The following ZNF595 variants were observed in gnomAD, a reference collection of about 807,000 sequenced individuals.
The protein encoded by ZNF595 is zinc finger protein 595.
Under a neutral mutation model 19.4 loss-of-function variants are expected in ZNF595, and 9 were observed. The ratio of observed to expected loss-of-function variants is 0.46; its 90% CI spans 0.28 to 0.81. The LOEUF (loss-of-function observed/expected upper bound fraction) is 0.81, where lower values mean the gene tolerates loss of function less well. Ranked by LOEUF, ZNF595 falls within the 30% of genes least tolerant of loss-of-function variation. The pLI is 0.11. For missense variants in ZNF595, 729 were observed against 736.0 expected, an observed-to-expected ratio of 0.99 and a Z score of 0.11; for synonymous variants, 255 against 255.9, an observed-to-expected ratio of 1.00 and a Z score of 0.03.
chr4:86,317 G>A lies in ZNF595; in HGVS notation c.813G>A (p.Leu271=). 1 of 1,611,504 alleles carries A rather than the reference G, an allele frequency of 6.2e-7. No homozygotes were observed. The highest frequency in any genetic ancestry group is 1.1e-5 in the South Asian group (1 of 90,880). The part of the protein sequence containing the change: ...CGKAFTRSTT[L]NEHKKIHTGE... ...AAGCCTTTACAAGGTCCACAACACTGAATGAACACAAGAAAATTCATACTG... is the reference window on the plus strand; with the variant it reads ...AAGCCTTTACAAGGTCCACAACACTAAATGAACACAAGAAAATTCATACTG... Residue 271 remains leucine (L), a synonymous_variant, in exon 4 of 4, where the codon CTG becomes CTA. Coordinates refer to ENST00000610261, the MANE Select transcript of ZNF595 (RefSeq NM_182524.4).
At chr4:70,138 T>C (rs1419312238) in intron 3 of ZNF595, among the ~76,000 whole-genome samples, 7 of 152,130 alleles carry the variant, frequency 4.6e-5, no homozygotes, top group African/African-American at 9.7e-5. Flanking sequence ...TTGTGGACTT[T>C]CCAAGTAGAA....
At chr4:79,908 A>C in intron 3 of ZNF595, among the ~76,000 whole-genome samples, 1 of 151,954 alleles carries the variant, frequency 6.6e-6, no homozygotes, top group East Asian at 1.9e-4. Flanking sequence ...TTTCTTGCCA[A>C]TGTTTTATAA....
intron 3 of ZNF595, among the ~76,000 whole-genome samples, chr4:77,235 T>G (rs185400514): frequency 1.3e-4 from 20 of 152,264 alleles, no homozygotes; most frequent in Admixed American, 3.9e-4. Context: ...TCTAAAATTT[T>G]TTATTATATA....
chr4:62,201 G>A (rs1324904531), intron 3 of ZNF595, among the ~76,000 whole-genome samples: 1 of 63,434 alleles, frequency 1.6e-5, no homozygotes, highest in South Asian at 1.0e-3. Flanking sequence ...CCACCCTCAG[G>A]CACTAACAAC....
Position 85,805 on chromosome 4 carries a change from A to T in ZNF595, c.301A>T (p.Lys101Ter), listed in dbSNP as rs782331644. Residue 101 changes from lysine (K) to a stop codon, truncating the protein, a stop_gained, in exon 4 of 4, where the codon AAA becomes TAA. Transcript: ENST00000610261. LOFTEE classifies it low-confidence loss of function (END_TRUNC). ...IEDSFHKLIL[K>*]RYEKCGHENL... is the part of the protein sequence containing the mutation. ...AGATTCATTCCACAAACTTATACTG[A>T]AAAGATACGAGAAATGTGGACATGA... 1 of 1,613,908 alleles carries T rather than the reference A, an allele frequency of 6.2e-7. No homozygotes were observed. Among genetic ancestry groups the T allele is most frequent in the East Asian group, 2.2e-5 (1 of 44,856 alleles).
At chr4:85,284 C>G (rs570277290) in intron 3 of ZNF595, among the ~76,000 whole-genome samples, 6 of 152,270 alleles carry the variant, frequency 3.9e-5, no homozygotes, top group African/African-American at 1.4e-4. Flanking sequence ...AGTATAGCAC[C>G]GTTTCTCTCA....
chr4:54,833 G>A (rs10434479), intron 1 of ZNF595, among the ~76,000 whole-genome samples: 1 of 152,210 alleles, frequency 6.6e-6, no homozygotes, highest in East Asian at 1.9e-4. Flanking sequence ...GCCTCGGCCT[G>A]TACCTGTGGC....
rs1581326293 is a variant in ZNF595 at position 63,187 on chromosome 4, A to T, written c.226+3034A>T. 7.6e-5 allele frequency among the ~76,000 whole-genome samples: 11 copies of T among 144,158 alleles called. 1 individual carries two copies. Among genetic ancestry groups the T allele is most frequent in the Admixed American group, 1.4e-4 (2 of 14,560 alleles). 94.6% of individuals were successfully genotyped at this position (144,158 alleles called of 152,430 possible). A position where few individuals can be genotyped will look rare whatever the true frequency, so the allele number is the denominator to read the frequency against. Reference sequence around the variant, plus strand: ...ATTGGTTTTTGTATCTGTTTTTATGAATATACTATACTCTTTTGATTACCA... The same window carrying T: ...ATTGGTTTTTGTATCTGTTTTTATGTATATACTATACTCTTTTGATTACCA... On this transcript the variant is annotated intron_variant, in intron 3 of 3. Coordinates refer to ENST00000610261, the MANE Select transcript of ZNF595 (RefSeq NM_182524.4).
chr4:86,733 A>G lies in ZNF595; in HGVS notation c.1229A>G (p.His410Arg), dbSNP rs1387099454. The G allele has an allele frequency of 3.1e-6, 5 of 1,610,872 alleles. No homozygotes were observed. In the African/African-American group the frequency reaches 6.8e-5, roughly 22 times the overall value. Reference protein sequence around the residue: ...ECGKAFYRSSHLAKHKRIHTG... With the variant: ...ECGKAFYRSSRLAKHKRIHTG... ...GGCAAAGCTTTTTATAGGTCCTCACACCTTGCTAAACATAAGAGAATTCAT... is the reference window on the plus strand; with the variant it reads ...GGCAAAGCTTTTTATAGGTCCTCACGCCTTGCTAAACATAAGAGAATTCAT... The change falls in exon 4 of 4, where the codon CAC (histidine) becomes CGC (arginine). Residue 410 changes from histidine (H) to arginine (R), a missense_variant. By Grantham distance (29) the His-to-Arg change is conservative (BLOSUM62 0). Coordinates refer to ENST00000610261, the MANE Select transcript of ZNF595 (RefSeq NM_182524.4).
Position 85,846 on chromosome 4 carries a change from A to T in ZNF595, c.342A>T (p.Arg114Ser), listed in dbSNP as rs782044656. The T allele has an allele frequency of 2.5e-6, 4 of 1,614,072 alleles. No homozygotes were observed. Among genetic ancestry groups the T allele is most frequent in the Non-Finnish European group, 3.4e-6 (4 of 1,179,956 alleles). The stretch of plus-strand genomic sequence containing the variant: ...GTGGACATGAGAATTTACAATTAAG[A>T]AAAGGCTGTAAACGTGTGAATGAGT... ...EKCGHENLQLRKGCKRVNECK... is the reference protein window; with the variant it reads ...EKCGHENLQLSKGCKRVNECK... The change falls in exon 4 of 4, where the codon AGA becomes AGT. Residue 114 changes from arginine (R) to serine (S), a missense_variant. By Grantham distance (110) the Arg-to-Ser change is moderately radical. Coordinates refer to ENST00000610261, the MANE Select transcript of ZNF595 (RefSeq NM_182524.4).
Position 87,273 on chromosome 4 carries a change from A to T in ZNF595, c.1769A>T (p.Lys590Ile). ...CATAAGAGAATTCATACTGGAGAGA[A>T]ACCCTTCACATGTGAAGAATGTGGC... ...TKHKRIHTGEKPFTCEECGKA... is the reference protein window; with the variant it reads ...TKHKRIHTGEIPFTCEECGKA... Residue 590 changes from lysine (K) to isoleucine (I), a missense_variant, in exon 4 of 4, where the codon AAA becomes ATA. This residue lies in a region of ZNF595 where 729 missense variants were observed against 675.3 expected (regional missense o/e 1.08). Coordinates refer to ENST00000610261, the MANE Select transcript of ZNF595 (RefSeq NM_182524.4). 3.1e-6 allele frequency: 5 copies of T among 1,612,208 alleles called. No homozygotes were observed.
At chr4:80,698 G>T (rs1713869671) in intron 3 of ZNF595, among the ~76,000 whole-genome samples, 1 of 152,252 alleles carries the variant, frequency 6.6e-6, no homozygotes, top group South Asian at 2.1e-4. Flanking sequence ...GAGCTTCTGA[G>T]CCAGGAGAAG....
At position 72,553 on chromosome 4, in the gene ZNF595, T is replaced by G. The variant is rs188569318; in HGVS notation, c.226+12400T>G. On this transcript the variant is annotated intron_variant, in intron 3 of 3. Transcript: ENST00000610261. ...TTATCCTGTTATCTGCATATTTGAG[T>G]TTAATGTTAAATTCTATGGACTAGG... 3.6e-3 allele frequency among the ~76,000 whole-genome samples: 554 copies of G among 152,312 alleles called. 6 individuals carry two copies. The Middle Eastern group carries it at 0.048, about 13-fold the overall frequency.
chr4:75,196 TCAAA>T (rs1713598264), intron 3 of ZNF595, among the ~76,000 whole-genome samples: 1 of 152,256 alleles, frequency 6.6e-6, no homozygotes, highest in Non-Finnish European at 1.5e-5. Flanking sequence ...ATAAATCTAT[TCAAA>T]CATTTTGTAA....
chr4:81,207 C>T (rs1369330285), intron 3 of ZNF595, among the ~76,000 whole-genome samples: 8 of 152,156 alleles, frequency 5.3e-5, no homozygotes, highest in Admixed American at 4.6e-4. Flanking sequence ...AGGATGTTTT[C>T]ATTTTACATT....
In ZNF595 at chr4:87,928, G is replaced by C. The variant is rs1398678000; in HGVS notation, c.*477G>C. 2.0e-5 allele frequency: 3 copies of C among 152,200 alleles called. No individual in the cohort carries two copies. The highest frequency in any genetic ancestry group is 4.4e-5 in the Non-Finnish European group (3 of 68,282). 9.4% of individuals were successfully genotyped at this position (152,200 alleles called of 1,614,324 possible). On this transcript the variant is annotated 3_prime_UTR_variant, in exon 4 of 4. Transcript: ENST00000610261. ...GTAGAGACAGGGTTTCACAATGCTG[G>C]CCAGGCTGTTCTCGAACTCCTGAGC...
intron 3 of ZNF595, among the ~76,000 whole-genome samples, chr4:81,759 A>G (rs1713918435): frequency 6.6e-6 from 1 of 152,204 alleles, no homozygotes; most frequent in Admixed American, 6.5e-5. Flanking sequence ...ACTGCTTTAG[A>G]TATCTCATGT....
intron 3 of ZNF595, among the ~76,000 whole-genome samples, chr4:81,574 A>T (rs1347949688): frequency 3.9e-5 from 6 of 152,184 alleles, no homozygotes; most frequent in African/African-American, 1.4e-4. Flanking sequence ...TACAATCTTA[A>T]ATATTTTTAA....
At chr4:83,619 CAAAAAAAAAA>C (rs71164492) in intron 3 of ZNF595, among the ~76,000 whole-genome samples, 19 of 38,600 alleles carry the variant, frequency 4.9e-4, no homozygotes, top group Non-Finnish European at 9.3e-4. Context: ...GACTCCGTCT[CAAAAAAAAAA>C]AAAAAAAAAA....
Sources: gnomAD v4.1 joint callset for allele counts (sites outside exome capture counted in the v4.1 genomes callset) on GRCh38, gnomAD v4.1.1 for gene constraint, gnomAD v4.1.1 regional missense constraint, MANE v1.5 for transcripts, NCBI Gene and HGNC (gene_info 2026-07-23, HGNC 2026-07-21) for gene names.